PUDP: variants seen among roughly 807,000 people sequenced by gnomAD.
PUDP encodes the protein pseudouridine 5'-phosphatase, also known as pseudouridine-5'-phosphatase.
In PUDP, 8 loss-of-function variants were observed where a neutral mutation model predicts 9.4. That is an observed-to-expected ratio of 0.85 (90% CI 0.50 to 1.53). The LOEUF (loss-of-function observed/expected upper bound fraction) is 1.53, where lower values mean the gene tolerates loss of function less well. Ranked by LOEUF, PUDP falls within the 40% of genes most tolerant of loss-of-function variation. The pLI is 0.00. For missense variants in PUDP, 188 were observed against 189.7 expected (o/e 0.99, Z 0.05); for synonymous variants, 99 against 80.7 (o/e 1.23, Z -1.22).
chrX:7,133,148 G>C (rs1932660678), intron 1 of PUDP, among the ~76,000 whole-genome samples: 1 of 111,791 alleles, frequency 8.9e-6, no homozygotes, highest in South Asian at 3.8e-4. Context: ...GAAAAGAGCA[G>C]ATCTGGCAGA....
intron 2 of PUDP, among the ~76,000 whole-genome samples, chrX:7,084,221 T>G (rs1347198128): frequency 8.9e-6 from 1 of 112,201 alleles, no homozygotes; most frequent in Non-Finnish European, 1.9e-5. Context: ...AGCAGCTGGC[T>G]GCAGTTATTG....
chrX:6,833,410 TG>T (rs1432007315), intron 3 of PUDP, among the ~76,000 whole-genome samples: 1 of 110,826 alleles, frequency 9.0e-6, no homozygotes, highest in East Asian at 2.9e-4. Flanking sequence ...AATGGATGGA[TG>T]GATAAATAGA....
At chrX:6,848,301 A>C (rs1311061503) in intron 3 of PUDP, among the ~76,000 whole-genome samples, 2 of 112,065 alleles carry the variant, frequency 1.8e-5, no homozygotes, top group African/African-American at 3.2e-5. Context: ...CAGTTTGTGC[A>C]ATCAGTCAAT....
At chrX:6,896,560 C>A (rs1927595417) in intron 3 of PUDP, among the ~76,000 whole-genome samples, 1 of 112,178 alleles carries the variant, frequency 8.9e-6, no homozygotes, top group Admixed American at 9.5e-5. Flanking sequence ...ATGCTGGCCA[C>A]TGTCTAAGGC....
At chrX:6,803,122 C>T (rs186799599) in intron 3 of PUDP, among the ~76,000 whole-genome samples, 57 of 90,658 alleles carry the variant, frequency 6.3e-4, no homozygotes, top group African/African-American at 1.6e-3. Flanking sequence ...TAAAATAAAA[C>T]AAAATAAAAT....
intron 3 of PUDP, among the ~76,000 whole-genome samples, chrX:6,941,757 G>C (rs759121139): frequency 2.7e-5 from 3 of 111,859 alleles, no homozygotes; most frequent in African/African-American, 9.7e-5. Flanking sequence ...GTATACATGT[G>C]ATGTTTGATA....
intron 3 of PUDP, among the ~76,000 whole-genome samples, chrX:6,771,496 C>G (rs181252149): frequency 1.3e-4 from 15 of 112,096 alleles, no homozygotes; most frequent in African/African-American, 4.2e-4. Context: ...TCATTTGCCT[C>G]TCACCCATTA....
intron 3 of PUDP, among the ~76,000 whole-genome samples, chrX:6,808,580 T>C (rs937113472): frequency 9.0e-6 from 1 of 111,369 alleles, no homozygotes; most frequent in African/African-American, 3.3e-5. Context: ...CCATTTCCCT[T>C]CTCCTTGAAT....
intron 3 of PUDP, among the ~76,000 whole-genome samples, chrX:6,927,964 CTT>C (rs34707742): frequency 1.1e-3 from 106 of 93,661 alleles, no homozygotes; most frequent in African/African-American, 3.1e-3. Flanking sequence ...GTGGTCTTCT[CTT>C]TTTTTTTTTT....
chrX:6,733,573 T>C (rs1283590943), intron 3 of PUDP, among the ~76,000 whole-genome samples: 2 of 108,519 alleles, frequency 1.8e-5, no homozygotes, highest in East Asian at 2.9e-4. Flanking sequence ...GTGCTGAGGG[T>C]ATTTGGTATG....
chrX:6,728,197 C>T (rs149864676), intron 3 of PUDP, among the ~76,000 whole-genome samples: 3,276 of 110,713 alleles, frequency 0.03, 36 homozygotes, highest in South Asian at 0.055. Context: ...TTATTCACTA[C>T]CACAAGAACA....
chrX:6,838,753 TG>T (rs772384066), intron 3 of PUDP, among the ~76,000 whole-genome samples: 34 of 112,129 alleles, frequency 3.0e-4, no homozygotes, highest in African/African-American at 1.1e-3. Flanking sequence ...GGGGATTGTC[TG>T]TCTTTTGTTG....
At chrX:7,117,776 T>C (rs1366186581) in intron 1 of PUDP, among the ~76,000 whole-genome samples, 1 of 112,804 alleles carries the variant, frequency 8.9e-6, no homozygotes, top group Admixed American at 9.3e-5. Context: ...CACAGGTATT[T>C]CAGAAGTCTC....
chrX:6,757,457 G>A (rs1427058166), intron 3 of PUDP, among the ~76,000 whole-genome samples: 1 of 110,763 alleles, frequency 9.0e-6, no homozygotes, highest in African/African-American at 3.3e-5. Context: ...AAGTAGTAAG[G>A]CTGACTTGGA....
intron 3 of PUDP, among the ~76,000 whole-genome samples, chrX:6,776,106 G>A (rs754343108): frequency 3.6e-5 from 4 of 111,701 alleles, no homozygotes; most frequent in Non-Finnish European, 7.5e-5. Flanking sequence ...CATTGAGTGC[G>A]ATCACCAGCA....
rs143401641 is a variant in PUDP at position 6,810,841 on chromosome X, G to A, written c.*248-104375C>T. Among the ~76,000 whole-genome samples the A allele has an allele frequency of 8.4e-4, 94 of 111,759 alleles. 1 individual carries two copies. In the East Asian group the frequency reaches 0.026, roughly 31 times the overall value. ...CTCAGACAGCTATTGAACTACTATTGCTGTCCCCAACTCTGCCCACTACAG... is the reference window on the plus strand; with the variant it reads ...CTCAGACAGCTATTGAACTACTATTACTGTCCCCAACTCTGCCCACTACAG... On this transcript the variant is annotated intron_variant and NMD_transcript_variant, in intron 3 of 3. Coordinates refer to the PUDP transcript ENST00000655425.
intron 1 of PUDP, among the ~76,000 whole-genome samples, chrX:7,118,750 A>T (rs1234591971): frequency 8.9e-6 from 1 of 112,124 alleles, no homozygotes; most frequent in Non-Finnish European, 1.9e-5. Flanking sequence ...AACATGTAAT[A>T]TTGATTCAAA....
Position 6,916,956 on chromosome X carries a change from TA to T in PUDP, c.*247+60176del, listed in dbSNP as rs770988502. The stretch of plus-strand genomic sequence containing the variant: ...TTCTATATCTATGCAGATGTTCCTG[TA>T]TTTGATGTGTGTATCTATGCAGGGA... On this transcript the variant is annotated intron_variant and NMD_transcript_variant, in intron 3 of 3. Coordinates refer to the PUDP transcript ENST00000655425. Among the ~76,000 whole-genome samples the T allele has an allele frequency of 2.7e-5, 3 of 112,302 alleles. No homozygotes were observed. The South Asian group carries it at 1.1e-3, about 42-fold the overall frequency.
intron 3 of PUDP, among the ~76,000 whole-genome samples, chrX:6,915,715 TTGAG>T (rs1415865854): frequency 2.7e-5 from 3 of 112,288 alleles, no homozygotes; most frequent in Non-Finnish European, 5.6e-5. Context: ...ACTAAAGTGT[TTGAG>T]TATTTCAACT....
Sources: gnomAD v4.1 joint callset for allele counts (sites outside exome capture counted in the v4.1 genomes callset) on GRCh38, gnomAD v4.1.1 for gene constraint, MANE v1.5 for transcripts, NCBI Gene and HGNC (gene_info 2026-07-23, HGNC 2026-07-21) for gene names.